The following GALNT18 variants were observed in gnomAD, a reference collection of about 807,000 sequenced individuals.
GALNT18 encodes the protein polypeptide N-acetylgalactosaminyltransferase 18.
A neutral mutation model predicts 69.5 loss-of-function variants in GALNT18; 44 were observed. That is an observed-to-expected ratio of 0.63 (90% CI 0.50 to 0.81). The LOEUF is 0.81. GALNT18 is among the 40% of genes least tolerant of loss of function. The pLI is 0.00. For synonymous variants in GALNT18, 364 were observed against 318.2 expected (o/e 1.14, Z -1.53); for missense variants, 715 against 810.0 (o/e 0.88, Z 1.42).
chr11:11,442,281 G>A (rs1340826044), intron 2 of GALNT18, among the ~76,000 whole-genome samples: 2 of 152,148 alleles, frequency 1.3e-5, no homozygotes, highest in Non-Finnish European at 2.9e-5. Context: ...TGCCCTTGGG[G>A]TTAGATTGGG....
intron 1 of GALNT18, among the ~76,000 whole-genome samples, chr11:11,466,922 C>T (rs1281740343): frequency 6.6e-6 from 1 of 152,208 alleles, no homozygotes; most frequent in Non-Finnish European, 1.5e-5. Flanking sequence ...GGACCCATTA[C>T]TTGGCTTATG....
chr11:11,341,083 A>T lies in GALNT18; in HGVS notation c.1093-79T>A. On this transcript the variant is annotated intron_variant, in intron 6 of 10. Transcript: ENST00000227756. This position sits in a 1 kb window ranked among gnomAD's most constrained non-coding sequence, Gnocchi z 6.3. ...ACCAGGCCTCAGGCAGCCACTTGAC[A>T]TGAGCAGGAAGAAAGTCAGCCCCTT... 7.2e-7 allele frequency: 1 copy of T among 1,392,204 alleles called. No homozygotes were observed. The highest frequency in any genetic ancestry group is 9.8e-7 in the Non-Finnish European group (1 of 1,023,204). 86.2% of individuals were successfully genotyped at this position (1,392,204 alleles called of 1,614,324 possible). A position where few individuals can be genotyped will look rare whatever the true frequency, so the allele number is the denominator to read the frequency against.
chr11:11,286,006 A>G (rs1328574482), intron 10 of GALNT18, among the ~76,000 whole-genome samples: 1 of 152,128 alleles, frequency 6.6e-6, no homozygotes, highest in Non-Finnish European at 1.5e-5. Context: ...ATTAACAGAC[A>G]TCTCTGTGGC....
rs1207137947 is a variant in GALNT18, at chr11:11,463,083, G to A, written c.236-14147C>T. On this transcript the variant is annotated intron_variant, in intron 1 of 10. Coordinates refer to ENST00000227756, the MANE Select transcript of GALNT18 (RefSeq NM_198516.3). The surrounding 1 kb of genome is among the most constrained non-coding windows in gnomAD (Gnocchi z 4.2). ...CAGTGCTCTGCAGTGTGGAGAGAGA[G>A]GATATCAATCACAAGACCCTGGAAC... 3.3e-5 allele frequency among the ~76,000 whole-genome samples: 5 copies of A among 152,094 alleles called. No homozygotes were observed. Among genetic ancestry groups the A allele is most frequent in the African/African-American group, 1.2e-4 (5 of 41,408 alleles).
intron 3 of GALNT18, among the ~76,000 whole-genome samples, chr11:11,405,107 C>A (rs150141068): frequency 6.6e-6 from 1 of 152,162 alleles, no homozygotes; most frequent in Non-Finnish European, 1.5e-5. Context: ...CCTTGAGCCC[C>A]GGCCGTGGCA....
At chr11:11,544,640 C>T (rs1858006270) in intron 1 of GALNT18, among the ~76,000 whole-genome samples, 2 of 152,186 alleles carry the variant, frequency 1.3e-5, no homozygotes. Flanking sequence ...TGGTTGGCTG[C>T]ACCCATCAAC....
Position 11,497,370 on chromosome 11 carries a change from A to ACACACACACACACACACACACACC in GALNT18, c.236-48435_236-48434insGGTGTGTGTGTGTGTGTGTGTGTG, listed in dbSNP as rs1388394076. Among the ~76,000 whole-genome samples the ACACACACACACACACACACACACC allele has an allele frequency of 1.5e-5, 2 of 134,622 alleles. No homozygotes were observed. Among genetic ancestry groups the ACACACACACACACACACACACACC allele is most frequent in the African/African-American group, 6.1e-5 (2 of 32,928 alleles). The allele number at this position is 134,622 out of a possible 152,430, so 88.3% of individuals were successfully genotyped here. On this transcript the variant is annotated intron_variant, in intron 1 of 10. Coordinates refer to ENST00000227756, the MANE Select transcript of GALNT18 (RefSeq NM_198516.3). The surrounding 1 kb of genome is among the most constrained non-coding windows in gnomAD (Gnocchi z 4.2). The stretch of plus-strand genomic sequence containing the variant: ...CACACACACACACACACACACACAC[A>ACACACACACACACACACACACACC]CCCCTTAGAATGGGGCTCCTTAAGA...
chr11:11,289,725 GT>G (rs1849263929), intron 10 of GALNT18, among the ~76,000 whole-genome samples: 1 of 152,190 alleles, frequency 6.6e-6, no homozygotes, highest in South Asian at 2.1e-4. Context: ...GAAGGATTCT[GT>G]GAGGGCTGGA....
chr11:11,308,796 G>A (rs561777063), intron 9 of GALNT18, among the ~76,000 whole-genome samples: 1 of 152,250 alleles, frequency 6.6e-6, no homozygotes, highest in East Asian at 1.9e-4. Context: ...CAAGGTCTTT[G>A]GCACCAGGCT....
In GALNT18 at chr11:11,337,729, T is replaced by C. The variant is rs1195098177; in HGVS notation, c.1278+3090A>G. Among the ~76,000 whole-genome samples the C allele has an allele frequency of 6.6e-6, 1 of 151,930 alleles. No homozygotes were observed. Among genetic ancestry groups the C allele is most frequent in the African/African-American group, 2.4e-5 (1 of 41,358 alleles). ...AGAGGGTAGGGAATTCCAAGCAGGA[T>C]GAACAAGCACCGAGGTGTGAGAAAC... On this transcript the variant is annotated intron_variant, in intron 7 of 10. Transcript: ENST00000227756. The surrounding 1 kb of genome is among the most constrained non-coding windows in gnomAD (Gnocchi z 4.9).
At chr11:11,373,257 G>A (rs1850955934) in intron 5 of GALNT18, among the ~76,000 whole-genome samples, 1 of 152,160 alleles carries the variant, frequency 6.6e-6, no homozygotes, top group Non-Finnish European at 1.5e-5. Flanking sequence ...CAGCTGGGAA[G>A]CTCATTGCTG....
intron 1 of GALNT18, among the ~76,000 whole-genome samples, chr11:11,588,406 G>A (rs1010566755): frequency 6.6e-6 from 1 of 152,184 alleles, no homozygotes; most frequent in Non-Finnish European, 1.5e-5. Context: ...CAAATGGAAA[G>A]AAGAAAGGAA....
At chr11:11,292,007 C>G (rs375482160) in intron 10 of GALNT18, among the ~76,000 whole-genome samples, 2 of 152,174 alleles carry the variant, frequency 1.3e-5, no homozygotes, top group African/African-American at 4.8e-5. Flanking sequence ...GCTTCCAAAG[C>G]TCCTTGCAGT....
At position 11,538,958 on chromosome 11, in the gene GALNT18, C is replaced by T. The variant is rs775285205; in HGVS notation, c.235+82401G>A. ...CCTGGGTGCCGTGGGCCTCCCTTTT[C>T]ACTCAGTCCCAGGATGTGGGCATAT... On this transcript the variant is annotated intron_variant, in intron 1 of 10. Coordinates refer to ENST00000227756, the MANE Select transcript of GALNT18 (RefSeq NM_198516.3). This position sits in a 1 kb window ranked among gnomAD's most constrained non-coding sequence, Gnocchi z 5.2. Among the ~76,000 whole-genome samples, 6 of 152,210 alleles carry T rather than the reference C, an allele frequency of 3.9e-5. No homozygotes were observed. Among genetic ancestry groups the T allele is most frequent in the Non-Finnish European group, 8.8e-5 (6 of 68,038 alleles).
At chr11:11,481,960 A>T (rs981774106) in intron 1 of GALNT18, among the ~76,000 whole-genome samples, 1 of 152,204 alleles carries the variant, frequency 6.6e-6, no homozygotes, top group Non-Finnish European at 1.5e-5. Context: ...ACCCCATTCC[A>T]CAGAATTAAT....
chr11:11,611,877 C>G (rs1859912539), intron 1 of GALNT18, among the ~76,000 whole-genome samples: 1 of 152,186 alleles, frequency 6.6e-6, no homozygotes, highest in Admixed American at 6.5e-5. Context: ...GCTCCCTCAC[C>G]CTTCCAGACC....
chr11:11,368,937 T>G (rs1850834818), intron 6 of GALNT18, among the ~76,000 whole-genome samples: 1 of 152,238 alleles, frequency 6.6e-6, no homozygotes, highest in Non-Finnish European at 1.5e-5. Flanking sequence ...AAACTCTCCC[T>G]GTGGGAATTG....
intron 1 of GALNT18, among the ~76,000 whole-genome samples, chr11:11,492,398 C>G (rs1856789325): frequency 1.3e-5 from 2 of 152,202 alleles, no homozygotes; most frequent in African/African-American, 4.8e-5. Flanking sequence ...GCTGCTAACA[C>G]AGGGAAGAAC....
chr11:11,322,672 A>G (rs1849857858), intron 9 of GALNT18, among the ~76,000 whole-genome samples: 2 of 152,388 alleles, frequency 1.3e-5, no homozygotes, highest in South Asian at 4.1e-4. Context: ...TAGAGCAACT[A>G]GAACTCTAAT....
Sources: allele counts gnomAD v4.1 joint callset (sites outside exome capture counted in the v4.1 genomes callset), GRCh38; gene constraint gnomAD v4.1.1; non-coding constraint Gnocchi (gnomAD v3.1); transcripts MANE v1.5; gene names NCBI Gene and HGNC (gene_info 2026-07-23, HGNC 2026-07-21).